XCR1: variants seen among roughly 807,000 people sequenced by gnomAD.
XCR1 encodes the protein chemokine XC receptor 1.
For synonymous variants in XCR1, 187 were observed against 188.5 expected (o/e 0.99, Z 0.06); for missense variants, 356 against 424.2 (o/e 0.84, Z 1.41).
intron 1 of XCR1, chr3:46,024,073 C>T (rs1372183585): frequency 2.1e-6 from 2 of 934,080 alleles, no homozygotes; most frequent in Non-Finnish European, 3.5e-6. Context: ...AATCCCCAGT[C>T]TTCCTCCCTT....
At chr3:46,050,499 G>T (rs1342982525) in intron 5 of XCR1, among the ~76,000 whole-genome samples, 1 of 152,156 alleles carries the variant, frequency 6.6e-6, no homozygotes, top group African/African-American at 2.4e-5. Flanking sequence ...TTTGACAAGA[G>T]CTCGCTTTAC....
intron 5 of XCR1, among the ~76,000 whole-genome samples, chr3:46,046,612 A>G (rs1357580790): frequency 6.6e-6 from 1 of 152,228 alleles, no homozygotes; most frequent in African/African-American, 2.4e-5. Flanking sequence ...TATTAATTGA[A>G]AGAATGTAAG....
chr3:46,025,413 A>G lies in XCR1; in HGVS notation c.-32+2004T>C, dbSNP rs140816545. Among the ~76,000 whole-genome samples, 128 of 150,622 alleles carry G rather than the reference A, an allele frequency of 8.5e-4. 1 individual carries two copies. Among genetic ancestry groups the G allele is most frequent in the Middle Eastern group, 6.9e-3 (2 of 290 alleles). Reference sequence around the variant, plus strand: ...AGCAAGACCCTGTCTCAAAAGAAATAAAGAAAGAGAGAGAGAGAGAGAGAA... The same window carrying G: ...AGCAAGACCCTGTCTCAAAAGAAATGAAGAAAGAGAGAGAGAGAGAGAGAA... On this transcript the variant is annotated intron_variant, in intron 1 of 1. Coordinates refer to ENST00000309285, the MANE Select transcript of XCR1 (RefSeq NM_001024644.2).
At chr3:46,069,832 T>C (rs897053666) in intron 3 of XCR1, among the ~76,000 whole-genome samples, 3 of 152,084 alleles carry the variant, frequency 2.0e-5, no homozygotes, top group African/African-American at 7.2e-5. Context: ...TCTTTTCTTC[T>C]GCTAGTTTTG....
intron 1 of XCR1, among the ~76,000 whole-genome samples, chr3:46,077,683 C>T (rs2125904032): frequency 6.6e-6 from 1 of 152,256 alleles, no homozygotes; most frequent in Non-Finnish European, 1.5e-5. Flanking sequence ...AAGCCAATCA[C>T]TAATCAATGT....
At chr3:46,049,133 G>A (rs1002624857) in intron 5 of XCR1, among the ~76,000 whole-genome samples, 1 of 152,194 alleles carries the variant, frequency 6.6e-6, no homozygotes, top group Non-Finnish European at 1.5e-5. Flanking sequence ...AGTGTCTATA[G>A]TCACATGAAC....
chr3:46,064,470 G>A (rs542701137), intron 4 of XCR1, among the ~76,000 whole-genome samples: 1 of 152,200 alleles, frequency 6.6e-6, no homozygotes, highest in East Asian at 1.9e-4. Context: ...ATTCTTTACT[G>A]CTCCTCCCAC....
intron 5 of XCR1, among the ~76,000 whole-genome samples, chr3:46,040,696 T>C (rs1301426481): frequency 2.0e-5 from 3 of 152,188 alleles, no homozygotes; most frequent in Admixed American, 1.3e-4. Context: ...CTAAGACTTT[T>C]GTCATCTGTA....
At chr3:46,062,497 A>G (rs775896393) in intron 4 of XCR1, among the ~76,000 whole-genome samples, 1 of 152,226 alleles carries the variant, frequency 6.6e-6, no homozygotes, top group Non-Finnish European at 1.5e-5. Context: ...GTTACGGTCT[A>G]AGGTTCAACC....
At chr3:46,051,485 A>G (rs1398613443) in intron 5 of XCR1, among the ~76,000 whole-genome samples, 3 of 152,190 alleles carry the variant, frequency 2.0e-5, no homozygotes, top group African/African-American at 7.2e-5. Flanking sequence ...TTGTCTTTAG[A>G]TATTACTGAC....
intron 1 of XCR1, among the ~76,000 whole-genome samples, chr3:46,083,046 C>T (rs1259708594): frequency 2.0e-5 from 3 of 152,218 alleles, no homozygotes; most frequent in Non-Finnish European, 4.4e-5. Flanking sequence ...GTCTGCCTGA[C>T]TCATCCTAAC....
intron 1 of XCR1, among the ~76,000 whole-genome samples, chr3:46,078,340 G>T (rs1156334686): frequency 6.6e-6 from 1 of 152,124 alleles, no homozygotes; most frequent in Non-Finnish European, 1.5e-5. Context: ...GCCAGCTCTG[G>T]GAACCTCTTG....
chr3:46,024,601 GCTTT>G (rs2125893976), intron 1 of XCR1, among the ~76,000 whole-genome samples: 1 of 152,164 alleles, frequency 6.6e-6, no homozygotes, highest in African/African-American at 2.4e-5. Context: ...TTTGAAACAT[GCTTT>G]CTATCATGTA....
At chr3:46,077,316 T>C (rs908500636) in intron 1 of XCR1, among the ~76,000 whole-genome samples, 2 of 152,070 alleles carry the variant, frequency 1.3e-5, no homozygotes, top group Non-Finnish European at 1.5e-5. Context: ...TAGATTCTCA[T>C]AGAAGTGCAA....
upstream of XCR1, among the ~76,000 whole-genome samples, chr3:46,031,156 T>C (rs544635753): frequency 6.6e-6 from 1 of 152,320 alleles, no homozygotes; most frequent in South Asian, 2.1e-4. Flanking sequence ...GCTGAAGCCA[T>C]GGCTGTGACT....
At chr3:46,043,969 G>A (rs958330099) in intron 5 of XCR1, among the ~76,000 whole-genome samples, 1 of 151,932 alleles carries the variant, frequency 6.6e-6, no homozygotes, top group Non-Finnish European at 1.5e-5. Context: ...GGTATGAAGT[G>A]GTACCCCATT....
chr3:46,048,909 T>C, intron 5 of XCR1, among the ~76,000 whole-genome samples: 1 of 152,234 alleles, frequency 6.6e-6, no homozygotes, highest in Non-Finnish European at 1.5e-5. Context: ...TGCTCTATAA[T>C]GCCTTGTCCT....
intron 4 of XCR1, among the ~76,000 whole-genome samples, chr3:46,054,341 C>T (rs1253276826): frequency 2.6e-5 from 4 of 152,136 alleles, no homozygotes; most frequent in Non-Finnish European, 5.9e-5. Flanking sequence ...TTGCCCTCAG[C>T]AAACCTTCTG....
At chr3:46,081,656 C>G (rs1698366246) in intron 1 of XCR1, among the ~76,000 whole-genome samples, 1 of 151,880 alleles carries the variant, frequency 6.6e-6, no homozygotes, top group South Asian at 2.1e-4. Flanking sequence ...TGTGAATTTC[C>G]CACTAGAGTG....
Sources: allele counts gnomAD v4.1 joint callset (sites outside exome capture counted in the v4.1 genomes callset), GRCh38; gene constraint gnomAD v4.1.1; transcripts MANE v1.5; gene names NCBI Gene and HGNC (gene_info 2026-07-23, HGNC 2026-07-21).